The following CALCR variants were observed in gnomAD, a reference collection of about 807,000 sequenced individuals.
CALCR encodes the protein calcitonin receptor.
Under a neutral mutation model 59.5 loss-of-function variants are expected in CALCR, and 47 were observed. The observed-to-expected ratio is 0.79, with a 90% CI of 0.63 to 1.01. The LOEUF is 1.01. Ranked by LOEUF, CALCR falls within the 50% of genes least tolerant of loss-of-function variation. The pLI, the probability that CALCR is intolerant of heterozygous loss-of-function variation, is 0.00. For synonymous variants in CALCR, 213 were observed against 211.3 expected, an observed-to-expected ratio of 1.01 and a Z score of -0.07; for missense variants, 566 against 597.1, an observed-to-expected ratio of 0.95 and a Z score of 0.54.
intron 3 of CALCR, among the ~76,000 whole-genome samples, chr7:93,484,698 A>T (rs1800900831): frequency 6.6e-6 from 1 of 151,794 alleles, no homozygotes; most frequent in Non-Finnish European, 1.5e-5. Flanking sequence ...CATATATCAT[A>T]AATTCAAAGC....
chr7:93,479,557 G>A, intron 3 of CALCR, 50 bp from the exon 4 acceptor site: 1 of 1,514,470 alleles, frequency 6.6e-7, no homozygotes, highest in Non-Finnish European at 9.0e-7. Flanking sequence ...GAATGGGTGA[G>A]CACAAATAAA....
chr7:93,568,198 G>T (rs1789908899), intron 2 of CALCR, among the ~76,000 whole-genome samples: 1 of 152,092 alleles, frequency 6.6e-6, no homozygotes. Context: ...ATCTTTGTTG[G>T]GGGGATTAAA....
intron 5 of CALCR, among the ~76,000 whole-genome samples, chr7:93,475,628 T>C (rs1303375031): frequency 6.6e-6 from 1 of 151,790 alleles, no homozygotes; most frequent in Admixed American, 6.6e-5. Context: ...TGCAGAGAGA[T>C]ACTACTCTTA....
At chr7:93,442,876 TTTA>T (rs1799937616) in intron 9 of CALCR, among the ~76,000 whole-genome samples, 1 of 152,170 alleles carries the variant, frequency 6.6e-6, no homozygotes, top group South Asian at 2.1e-4. Flanking sequence ...TATCGCAGCA[TTTA>T]TTTTCTTTCA....
In CALCR at chr7:93,441,173, G is replaced by C. The variant is rs558833887; in HGVS notation, c.802+2431C>G. On this transcript the variant is annotated intron_variant, in intron 9 of 13. Coordinates refer to ENST00000426151, the MANE Select transcript of CALCR (RefSeq NM_001742.4). ...GCCCTTGTCTCTGCTGAATGTCACC[G>C]ACAAGAATACATTTACAGCCTTTTT... Among the ~76,000 whole-genome samples, 189 of 152,170 alleles carry C rather than the reference G, an allele frequency of 1.2e-3. 1 individual carries two copies. Among genetic ancestry groups the C allele is most frequent in the Non-Finnish European group, 1.1e-3 (73 of 67,998 alleles).
chr7:93,497,886 G>A (rs745798319), intron 2 of CALCR, among the ~76,000 whole-genome samples: 1 of 151,526 alleles, frequency 6.6e-6, no homozygotes, highest in Non-Finnish European at 1.5e-5. Flanking sequence ...AAAGCCCACA[G>A]TCCAGAAATC....
At chr7:93,450,141 G>C (rs1584544812) in intron 8 of CALCR, among the ~76,000 whole-genome samples, 1 of 151,942 alleles carries the variant, frequency 6.6e-6, no homozygotes, top group South Asian at 2.1e-4. Context: ...CTGGAACAAA[G>C]TTTACTGTGG....
intron 13 of CALCR, among the ~76,000 whole-genome samples, chr7:93,428,054 T>G (rs1799568099): frequency 6.6e-6 from 1 of 152,206 alleles, no homozygotes; most frequent in South Asian, 2.1e-4. Context: ...AAGGGTACTT[T>G]ATATCTAAAG....
At chr7:93,460,554 TAAAAAAAAA>T (rs71537257) in intron 8 of CALCR, among the ~76,000 whole-genome samples, 8 of 79,302 alleles carry the variant, frequency 1.0e-4, no homozygotes, top group Middle Eastern at 9.3e-3. Flanking sequence ...AGACTCTATC[TAAAAAAAAA>T]AAAAAAAAAA....
chr7:93,429,926 G>GTTTTTTTTTTTT (rs370223680), intron 13 of CALCR, among the ~76,000 whole-genome samples: 96 of 101,442 alleles, frequency 9.5e-4, no homozygotes, highest in African/African-American at 3.2e-3. Flanking sequence ...TTTTTTTTTT[G>GTTTTTTTTTTTT]TTTGTTTGTT....
At chr7:93,446,489 C>G (rs954029344) in intron 8 of CALCR, among the ~76,000 whole-genome samples, 2 of 151,870 alleles carry the variant, frequency 1.3e-5, no homozygotes, top group Non-Finnish European at 2.9e-5. Context: ...ATCCTGTGCC[C>G]AAGATATTCA....
chr7:93,436,639 T>G (rs1799784835), intron 11 of CALCR, among the ~76,000 whole-genome samples: 1 of 152,230 alleles, frequency 6.6e-6, no homozygotes, highest in South Asian at 2.1e-4. Context: ...TGTAGCTGAT[T>G]TATCAATCTC....
At chr7:93,483,570 T>A (rs1428189649) in intron 3 of CALCR, among the ~76,000 whole-genome samples, 2 of 151,194 alleles carry the variant, frequency 1.3e-5, no homozygotes, top group East Asian at 3.9e-4. Flanking sequence ...ATAACACATA[T>A]ACAAATTTCA....
chr7:93,522,605 T>C (rs1801787877), intron 2 of CALCR, among the ~76,000 whole-genome samples: 1 of 152,204 alleles, frequency 6.6e-6, no homozygotes, highest in Non-Finnish European at 1.5e-5. Context: ...ATAATTTATT[T>C]CTACAATTTC....
intron 2 of CALCR, among the ~76,000 whole-genome samples, chr7:93,567,051 A>C (rs981536921): frequency 9.2e-5 from 14 of 152,240 alleles, no homozygotes; most frequent in Non-Finnish European, 2.1e-4. Flanking sequence ...TTAAGAGGGC[A>C]GAGGGCTGTT....
chr7:93,526,757 C>A (rs1801885253), intron 2 of CALCR, among the ~76,000 whole-genome samples: 1 of 152,010 alleles, frequency 6.6e-6, no homozygotes, highest in South Asian at 2.1e-4. Flanking sequence ...TATGTTAATT[C>A]ATACTTTTAA....
intron 2 of CALCR, among the ~76,000 whole-genome samples, chr7:93,528,699 T>C (rs193088746): frequency 1.3e-5 from 2 of 152,346 alleles, no homozygotes; most frequent in Non-Finnish European, 2.9e-5. Context: ...ATATATGTTA[T>C]TCATCATGTA....
intron 5 of CALCR, among the ~76,000 whole-genome samples, chr7:93,475,665 G>T (rs1800652111): frequency 6.6e-6 from 1 of 151,732 alleles, no homozygotes; most frequent in African/African-American, 2.4e-5. Context: ...TCATGAACAA[G>T]GCCATAGCAA....
Position 93,435,994 on chromosome 7 carries a change from C to T in CALCR, c.1107G>A (p.Gly369=), listed in dbSNP as rs768399985. The T allele has an allele frequency of 1.9e-6, 3 of 1,613,548 alleles. No homozygotes were observed. Among genetic ancestry groups the T allele is most frequent in the East Asian group, 4.5e-5 (2 of 44,858 alleles). ...FPWRPSNKML[G]KIYDYVMHSL... is the part of the protein sequence containing the mutation. ...AGTGCATCACGTAATCATATATCTT[C>T]CCAAGCATCTTGTTGGAAGGTCTCC... Residue 369 remains glycine (G), a synonymous_variant, in exon 12 of 14, where the codon GGG becomes GGA. Transcript: ENST00000426151.
Sources: gnomAD v4.1 joint callset for allele counts (sites outside exome capture counted in the v4.1 genomes callset) on GRCh38, gnomAD v4.1.1 for gene constraint, MANE v1.5 for transcripts, NCBI Gene and HGNC (gene_info 2026-07-23, HGNC 2026-07-21) for gene names.